The following ALPK1 variants were observed in gnomAD, a reference collection of about 807,000 sequenced individuals.
ALPK1 encodes the protein alpha kinase 1, also known as alpha-protein kinase 1.
In ALPK1, 110 loss-of-function variants were observed where a neutral mutation model predicts 120.6. That is an observed-to-expected ratio of 0.91 (90% confidence interval 0.78 to 1.07). The LOEUF is 1.07. Ranked by LOEUF, ALPK1 falls within the 50% of genes least tolerant of loss-of-function variation. The probability of loss-of-function intolerance (pLI) is 0.00; values close to 1 mark genes in which losing one functional copy is unlikely to be tolerated. For synonymous variants in ALPK1, 582 were observed against 560.3 expected (o/e 1.04, Z -0.55); for missense variants, 1,498 against 1,483.9 (o/e 1.01, Z -0.16).
chr4:112,330,710 C>G (rs369696279), intron 2 of ALPK1, among the ~76,000 whole-genome samples: 1 of 152,126 alleles, frequency 6.6e-6, no homozygotes, highest in African/African-American at 2.4e-5. Context: ...GTCTTCCAGC[C>G]GGCTCTAAAA....
At chr4:112,332,824 T>TAC (rs908333221) in intron 2 of ALPK1, among the ~76,000 whole-genome samples, 1 of 152,242 alleles carries the variant, frequency 6.6e-6, no homozygotes, top group Non-Finnish European at 1.5e-5. Context: ...GAGTTAACTG[T>TAC]AGCTCAGAGA....
rs759368504 is a variant in ALPK1 at position 112,438,678 on chromosome 4, T to C, written c.3351+32T>C. 3.3e-5 allele frequency: 52 copies of C among 1,596,102 alleles called. No individual in the cohort carries two copies. In the East Asian group the frequency reaches 1.2e-3, roughly 36 times the overall value. The stretch of plus-strand genomic sequence containing the variant: ...TTATCCTGAACACATCATTTGGATC[T>C]TCCAAATCACACTTGAATATCAATT... On this transcript the variant is annotated intron_variant, in intron 13 of 15. Coordinates refer to ENST00000650871, the MANE Select transcript of ALPK1 (RefSeq NM_025144.4).
chr4:112,382,270 G>C, intron 3 of ALPK1, 128 bp from the exon 4 acceptor site: 1 of 1,115,326 alleles, frequency 9.0e-7, no homozygotes, highest in Non-Finnish European at 1.2e-6. Context: ...CCAGCAAGAG[G>C]CAGGGAAAAG....
chr4:112,376,594 G>T (rs1731672870), intron 2 of ALPK1, among the ~76,000 whole-genome samples: 1 of 152,202 alleles, frequency 6.6e-6, no homozygotes, highest in Non-Finnish European at 1.5e-5. Flanking sequence ...ACTTCTTAAA[G>T]TTAGTTAAGA....
intron 4 of ALPK1, among the ~76,000 whole-genome samples, chr4:112,409,839 G>T (rs918708072): frequency 6.6e-6 from 1 of 152,098 alleles, no homozygotes; most frequent in African/African-American, 2.4e-5. Flanking sequence ...CGAGAGGAGA[G>T]AAGAGATATT....
At chr4:112,324,347 A>C (rs1729011034) in intron 2 of ALPK1, among the ~76,000 whole-genome samples, 1 of 151,688 alleles carries the variant, frequency 6.6e-6, no homozygotes, top group Non-Finnish European at 1.5e-5. Flanking sequence ...AAAAGAAAAA[A>C]AAAAGCCTGC....
intron 4 of ALPK1, among the ~76,000 whole-genome samples, chr4:112,401,006 T>C (rs1474332885): frequency 2.0e-5 from 3 of 152,300 alleles, no homozygotes; most frequent in South Asian, 2.1e-4. Flanking sequence ...TGCTCAACTC[T>C]GGCTGCTCAT....
chr4:112,301,047 A>C (rs1560627040), intron 1 of ALPK1, among the ~76,000 whole-genome samples: 1 of 152,172 alleles, frequency 6.6e-6, no homozygotes, highest in African/African-American at 2.4e-5. Context: ...TCTACAAAAA[A>C]AAAATTTAGA....
chr4:112,391,146 G>T (rs1732397353), intron 4 of ALPK1, among the ~76,000 whole-genome samples: 1 of 152,162 alleles, frequency 6.6e-6, no homozygotes, highest in Non-Finnish European at 1.5e-5. Context: ...ATTAGGCTAG[G>T]CCCTCACAAC....
Position 112,439,840 on chromosome 4 carries a change from C to G in ALPK1, c.3506C>G (p.Ser1169Cys), listed in dbSNP as rs201739814. 2 of 1,610,538 alleles carry G rather than the reference C, an allele frequency of 1.2e-6. No homozygotes were observed. Among genetic ancestry groups the G allele is most frequent in the East Asian group, 2.2e-5 (1 of 44,756 alleles). ...TATGGCCATTTTTCTTATGAGTTTT[C>G]TAATCATAGAGATGTTGTGGTCGAT... ...LAYGHFSYEF[S>C]NHRDVVVDLQ... Residue 1169 changes from serine (S) to cysteine (C), a missense_variant, in exon 14 of 16, where the codon TCT becomes TGT. Physicochemically the swap from Ser to Cys is moderately radical, Grantham distance 112. Coordinates refer to ENST00000650871, the MANE Select transcript of ALPK1 (RefSeq NM_025144.4).
chr4:112,388,312 T>C (rs1004326308), intron 4 of ALPK1, among the ~76,000 whole-genome samples: 2 of 152,154 alleles, frequency 1.3e-5, no homozygotes, highest in Non-Finnish European at 2.9e-5. Context: ...ATGCCTAGTG[T>C]GACTAACTCG....
chr4:112,344,180 A>G (rs1730002717), intron 2 of ALPK1, among the ~76,000 whole-genome samples: 1 of 152,234 alleles, frequency 6.6e-6, no homozygotes, highest in South Asian at 2.1e-4. Flanking sequence ...TATAAGAAGT[A>G]AAAGAGAAAG....
chr4:112,319,535 T>C (rs1274625544), intron 2 of ALPK1, among the ~76,000 whole-genome samples: 1 of 152,234 alleles, frequency 6.6e-6, no homozygotes, highest in Non-Finnish European at 1.5e-5. Flanking sequence ...GGCTCTTTTC[T>C]GGTTCCATAT....
intron 4 of ALPK1, chr4:112,410,847 A>G (rs192571085): frequency 1.3e-5 from 2 of 154,322 alleles, no homozygotes; most frequent in African/African-American, 4.8e-5. Flanking sequence ...TTAACTAAAC[A>G]TGATGATATA....
intron 4 of ALPK1, among the ~76,000 whole-genome samples, chr4:112,400,251 A>G (rs1038432940): frequency 6.6e-6 from 1 of 152,220 alleles, no homozygotes; most frequent in Non-Finnish European, 1.5e-5. Context: ...GGGAGATATA[A>G]TGTAAAGAAG....
intron 2 of ALPK1, among the ~76,000 whole-genome samples, chr4:112,363,275 C>T (rs1438908264): frequency 6.6e-6 from 1 of 152,120 alleles, no homozygotes; most frequent in East Asian, 1.9e-4. Context: ...CCTAAATGCT[C>T]CACTTAAAAG....
intron 4 of ALPK1, among the ~76,000 whole-genome samples, chr4:112,406,861 T>G (rs753625373): frequency 3.3e-5 from 5 of 152,212 alleles, no homozygotes; most frequent in East Asian, 3.8e-4. Context: ...CCATCGCACC[T>G]AGTCTATTAT....
At chr4:112,317,860 A>C (rs968632237) in intron 2 of ALPK1, among the ~76,000 whole-genome samples, 4 of 152,168 alleles carry the variant, frequency 2.6e-5, no homozygotes, top group African/African-American at 9.7e-5. Flanking sequence ...TACCATTACA[A>C]AATAAATGTT....
At position 112,431,737 on chromosome 4, in the gene ALPK1, G is replaced by A; in HGVS notation, c.2190G>A (p.Lys730=). 6.2e-7 allele frequency: 1 copy of A among 1,614,168 alleles called. No homozygotes were observed. The highest frequency in any genetic ancestry group is 8.5e-7 in the Non-Finnish European group (1 of 1,180,030). The change falls in exon 11 of 16, where the codon AAG becomes AAA. Residue 730 remains lysine, a synonymous_variant. Coordinates refer to ENST00000650871, the MANE Select transcript of ALPK1 (RefSeq NM_025144.4). Reference sequence around the variant, plus strand: ...GGTCTTCTGATTCTGGTAGGCCCAAGAATATGGGCACACATCCTTCAGTCC... The same window carrying A: ...GGTCTTCTGATTCTGGTAGGCCCAAAAATATGGGCACACATCCTTCAGTCC... ...ASWSSDSGRP[K]NMGTHPSVQK...
Sources: allele counts gnomAD v4.1 joint callset (sites outside exome capture counted in the v4.1 genomes callset), GRCh38; gene constraint gnomAD v4.1.1; transcripts MANE v1.5; gene names NCBI Gene and HGNC (gene_info 2026-07-23, HGNC 2026-07-21).